Variants in SMAP1 observed in about 807,000 individuals in gnomAD.
SMAP1 encodes small ArfGAP 1, also known as stromal membrane-associated protein 1.
In SMAP1, 24 loss-of-function variants were observed where a neutral mutation model predicts 58.5. The ratio of observed to expected loss-of-function variants is 0.41; its 90% CI spans 0.30 to 0.58. The LOEUF is 0.58. SMAP1 is among the 20% of genes least tolerant of loss of function. The pLI is 0.29. For synonymous variants in SMAP1, 216 were observed against 196.6 expected, an observed-to-expected ratio of 1.10 and a Z score of -0.82; for missense variants, 563 against 566.3, an observed-to-expected ratio of 0.99 and a Z score of 0.06.
chr6:70,791,817 A>G (rs867827125), intron 5 of SMAP1, 48 bp downstream of exon 5: 1 of 1,473,216 alleles, frequency 6.8e-7, no homozygotes, highest in Non-Finnish European at 9.5e-7. Context: ...TAAATGGTAA[A>G]TTAACTTCCT....
chr6:70,820,602 A>G (rs1213587014), intron 6 of SMAP1, among the ~76,000 whole-genome samples: 1 of 151,966 alleles, frequency 6.6e-6, no homozygotes, highest in Non-Finnish European at 1.5e-5. Flanking sequence ...GCTACTCAGG[A>G]GGCTGAAGCA....
intron 6 of SMAP1, among the ~76,000 whole-genome samples, chr6:70,824,461 T>A (rs982953796): frequency 5.3e-5 from 8 of 151,174 alleles, no homozygotes; most frequent in African/African-American, 1.9e-4. Flanking sequence ...AATATAAAGC[T>A]TTTTTTTCTT....
chr6:70,773,529 A>C, intron 4 of SMAP1, 104 bp downstream of exon 4: 1 of 623,628 alleles, frequency 1.6e-6, no homozygotes, highest in Non-Finnish European at 2.6e-6. Context: ...TACTAGTTGT[A>C]TATATTTACA....
intron 1 of SMAP1, among the ~76,000 whole-genome samples, chr6:70,683,403 C>A (rs1766807662): frequency 6.6e-6 from 1 of 151,960 alleles, no homozygotes; most frequent in Non-Finnish European, 1.5e-5. Context: ...AACTCCTGAC[C>A]TTGTGATCCA....
intron 3 of SMAP1, among the ~76,000 whole-genome samples, chr6:70,759,110 T>C (rs2149894623): frequency 6.6e-6 from 1 of 152,236 alleles, no homozygotes; most frequent in South Asian, 2.1e-4. Context: ...GCAGATTTTA[T>C]TGAGAATCCT....
intron 1 of SMAP1, among the ~76,000 whole-genome samples, chr6:70,671,979 T>C (rs546306585): frequency 1.3e-5 from 2 of 152,242 alleles, no homozygotes; most frequent in African/African-American, 4.8e-5. Context: ...AAACATAAGG[T>C]TTTTTAACTC....
chr6:70,859,688 C>CT (rs1183776823), intron 10 of SMAP1: 1 of 230,452 alleles, frequency 4.3e-6, no homozygotes. Flanking sequence ...TACATGTAAT[C>CT]TTATGCTTTA....
rs2149880278 is a variant in SMAP1, at chr6:70,747,323, C to T, written c.253-7657C>T. 2.0e-5 allele frequency among the ~76,000 whole-genome samples: 3 copies of T among 152,234 alleles called. No individual in the cohort carries two copies. In the South Asian group the frequency reaches 6.2e-4, roughly 32 times the overall value. On this transcript the variant is annotated intron_variant, in intron 2 of 10. Transcript: ENST00000370455. ...ACGCATACCACAATGTGCTGAGGGC[C>T]TTTCAGGTAGAAAGGTGGAAGAAAG...
intron 1 of SMAP1, among the ~76,000 whole-genome samples, chr6:70,703,719 G>C (rs1767729148): frequency 6.6e-6 from 1 of 152,172 alleles, no homozygotes; most frequent in Non-Finnish European, 1.5e-5. Flanking sequence ...AATATTCAGT[G>C]ATGACTTTTT....
chr6:70,733,432 G>A (rs934872235), intron 2 of SMAP1, among the ~76,000 whole-genome samples: 3 of 152,176 alleles, frequency 2.0e-5, no homozygotes, highest in African/African-American at 7.2e-5. Context: ...GATCCTTGAG[G>A]AGAAAACATA....
At chr6:70,773,064 G>A in intron 3 of SMAP1, 1 of 307,490 alleles carries the variant, frequency 3.3e-6, no homozygotes, top group Non-Finnish European at 6.0e-6. Flanking sequence ...GTGATGCATT[G>A]ATAGTGGTGG....
chr6:70,776,093 A>T (rs571190138), intron 4 of SMAP1, among the ~76,000 whole-genome samples: 30 of 152,310 alleles, frequency 2.0e-4, no homozygotes, highest in Admixed American at 1.1e-3. Context: ...GAACAGATTT[A>T]AAAAAATATA....
chr6:70,806,642 T>C (rs1321546328), intron 6 of SMAP1, among the ~76,000 whole-genome samples: 1 of 152,238 alleles, frequency 6.6e-6, no homozygotes, highest in South Asian at 2.1e-4. Flanking sequence ...CACCTCGTTA[T>C]GAGTTTGAAA....
intron 1 of SMAP1, among the ~76,000 whole-genome samples, chr6:70,677,005 G>A (rs1022338601): frequency 6.6e-5 from 10 of 151,860 alleles, no homozygotes. Context: ...TGTTGTTTGG[G>A]CTTTCAAACT....
chr6:70,760,221 A>G (rs1167623994), intron 3 of SMAP1, among the ~76,000 whole-genome samples: 3 of 152,044 alleles, frequency 2.0e-5, no homozygotes, highest in East Asian at 3.9e-4. Flanking sequence ...ATTACCTGGT[A>G]TGATTTATGT....
At chr6:70,823,058 C>T (rs1214165276) in intron 6 of SMAP1, among the ~76,000 whole-genome samples, 2 of 152,112 alleles carry the variant, frequency 1.3e-5, no homozygotes, top group Non-Finnish European at 2.9e-5. Context: ...CATTAGAGCC[C>T]TTAGCATACT....
At chr6:70,697,685 G>A (rs553875980) in intron 1 of SMAP1, among the ~76,000 whole-genome samples, 166 of 152,190 alleles carry the variant, frequency 1.1e-3, no homozygotes, top group African/African-American at 3.0e-3. Context: ...TGTATCTTGT[G>A]TAGGGTTTTT....
chr6:70,686,508 CTT>C (rs1766940253), intron 1 of SMAP1, among the ~76,000 whole-genome samples: 1 of 152,116 alleles, frequency 6.6e-6, no homozygotes, highest in Non-Finnish European at 1.5e-5. Flanking sequence ...ATAGTTAACT[CTT>C]GAATAAACTG....
intron 4 of SMAP1, among the ~76,000 whole-genome samples, chr6:70,788,938 G>C (rs1437498839): frequency 6.6e-6 from 1 of 152,104 alleles, no homozygotes; most frequent in Non-Finnish European, 1.5e-5. Context: ...CCAGTTAGGA[G>C]GACTAATCCA....
Sources: allele counts gnomAD v4.1 joint callset (sites outside exome capture counted in the v4.1 genomes callset), GRCh38; gene constraint gnomAD v4.1.1; transcripts MANE v1.5; gene names NCBI Gene and HGNC (gene_info 2026-07-23, HGNC 2026-07-21).